The following ZFAND5 variants were observed in gnomAD, a reference collection of about 807,000 sequenced individuals.
ZFAND5 encodes AN1-type zinc finger protein 5.
Under a neutral mutation model 23.6 loss-of-function variants are expected in ZFAND5, and 4 were observed. That is an observed-to-expected ratio of 0.17 (90% CI 0.08 to 0.39). ZFAND5 has a LOEUF of 0.39. Among genes scored for constraint, ZFAND5 ranks in the 10% least tolerant of loss-of-function variants. ZFAND5 has a pLI of 1.00. For synonymous variants in ZFAND5, 68 were observed against 80.6 expected (o/e 0.84, Z 0.84); for missense variants, 161 against 253.7 (o/e 0.63, Z 2.48).
chr9:72,361,224 G>A (rs566551735), intron 2 of ZFAND5, among the ~76,000 whole-genome samples: 1 of 152,282 alleles, frequency 6.6e-6, no homozygotes, highest in African/African-American at 2.4e-5. Flanking sequence ...TAAACTGGAT[G>A]AATAAAGTTT....
intron 2 of ZFAND5, among the ~76,000 whole-genome samples, chr9:72,362,199 G>A (rs932386853): frequency 5.3e-5 from 8 of 152,126 alleles, no homozygotes; most frequent in Admixed American, 5.2e-4. Context: ...AATATTAACT[G>A]GAATTTAGCT....
rs1375878599 is a variant in ZFAND5 at position 72,352,353 on chromosome 9, CTT to C, written c.*3598_*3599del. 6.6e-6 allele frequency: 1 copy of C among 152,128 alleles called. No individual in the cohort carries two copies. The highest frequency in any genetic ancestry group is 1.5e-5 in the Non-Finnish European group (1 of 68,018). The allele number at this position is 152,128 out of a possible 1,614,324, so 9.4% of individuals were successfully genotyped here. On this transcript the variant is annotated 3_prime_UTR_variant, in exon 7 of 7. Coordinates refer to ENST00000376962, the MANE Select transcript of ZFAND5 (RefSeq NM_001102420.3). ...AAAACAGACAAGAGTCAAATCAAGT[CTT>C]TGTACATATTCAAATATTTACATGT...
chr9:72,361,631 G>A (rs1320836749), intron 2 of ZFAND5, among the ~76,000 whole-genome samples: 1 of 152,090 alleles, frequency 6.6e-6, no homozygotes, highest in Non-Finnish European at 1.5e-5. Context: ...CTTTAGTAAT[G>A]GTTAATATTC....
chr9:72,363,963 T>A (rs1376938909), intron 1 of ZFAND5: 2 of 152,052 alleles, frequency 1.3e-5, no homozygotes, highest in South Asian at 2.0e-4. Context: ...GAGCAAAAAA[T>A]TTCACATTCA....
In ZFAND5 at chr9:72,351,965, T is replaced by G. The variant is rs892586295; in HGVS notation, c.*3988A>C. On this transcript the variant is annotated 3_prime_UTR_variant, in exon 7 of 7. Coordinates refer to ENST00000376962, the MANE Select transcript of ZFAND5 (RefSeq NM_001102420.3). ...CTCCAAAATTATAAGTTAATACTTA[T>G]GGACAAAAACCACTATTGAGAACTT... 3 of 152,182 alleles carry G rather than the reference T, an allele frequency of 2.0e-5. No individual in the cohort carries two copies. Among genetic ancestry groups the G allele is most frequent in the Non-Finnish European group, 4.4e-5 (3 of 68,036 alleles). The allele number at this position is 152,182 out of a possible 1,614,324, so 9.4% of individuals were successfully genotyped here.
rs541417766 is a variant in ZFAND5 at position 72,353,411 on chromosome 9, C to T, written c.*2542G>A. The T allele has an allele frequency of 6.6e-6, 1 of 152,342 alleles. No homozygotes were observed. Among genetic ancestry groups the T allele is most frequent in the Non-Finnish European group, 1.5e-5 (1 of 68,160 alleles). 9.4% of individuals were successfully genotyped at this position (152,342 alleles called of 1,614,324 possible). On this transcript the variant is annotated 3_prime_UTR_variant, in exon 7 of 7. Coordinates refer to ENST00000376962, the MANE Select transcript of ZFAND5 (RefSeq NM_001102420.3). ...AACTGATTGGCCGGGTGCGGTGCCTCACGCCTGTAATCCCAGCACTTTGGG... is the reference window on the plus strand; with the variant it reads ...AACTGATTGGCCGGGTGCGGTGCCTTACGCCTGTAATCCCAGCACTTTGGG...
chr9:72,358,149 C>T (rs909251647), intron 5 of ZFAND5, among the ~76,000 whole-genome samples: 2 of 152,052 alleles, frequency 1.3e-5, no homozygotes, highest in South Asian at 4.1e-4. Context: ...TAAAACTCTG[C>T]CCAAATTTAT....
chr9:72,360,910 T>TA, intron 2 of ZFAND5, 123 bp from the exon 3 acceptor site: 4 of 848,390 alleles, frequency 4.7e-6, no homozygotes, highest in Non-Finnish European at 6.7e-6. Context: ...CGTTAATCAT[T>TA]AAAAAGGGTG....
In ZFAND5 at chr9:72,364,974, C is replaced by T. The variant is rs374248649; in HGVS notation, c.-425G>A. 1.3e-5 allele frequency: 2 copies of T among 152,642 alleles called. No homozygotes were observed. The highest frequency in any genetic ancestry group is 2.9e-5 in the Non-Finnish European group (2 of 68,416). 9.5% of individuals were successfully genotyped at this position (152,642 alleles called of 1,614,324 possible). ...AGGAGGTGGAGGGAGGACCGGCGGCCGCAGCGGCTAACGCTGCTCGAGGCG... is the reference window on the plus strand; with the variant it reads ...AGGAGGTGGAGGGAGGACCGGCGGCTGCAGCGGCTAACGCTGCTCGAGGCG... On this transcript the variant is annotated 5_prime_UTR_variant, in exon 1 of 7. Coordinates refer to ENST00000376962, the MANE Select transcript of ZFAND5 (RefSeq NM_001102420.3).
chr9:72,364,464 T>C (rs1214862513), intron 1 of ZFAND5: 24 of 1,278,132 alleles, frequency 1.9e-5, no homozygotes, highest in South Asian at 1.6e-4. Flanking sequence ...TTCCCGACCG[T>C]GCTGTGGAGC....
intron 6 of ZFAND5, among the ~76,000 whole-genome samples, chr9:72,356,708 T>TA (rs1419987479): frequency 6.6e-6 from 1 of 152,022 alleles, no homozygotes; most frequent in Non-Finnish European, 1.5e-5. Flanking sequence ...TCTAATAAAA[T>TA]AAGAGGGCCT....
chr9:72,358,333 T>C (rs1842002404), intron 5 of ZFAND5, among the ~76,000 whole-genome samples: 1 of 152,002 alleles, frequency 6.6e-6, no homozygotes, highest in Non-Finnish European at 1.5e-5. Context: ...TGTCAGCCAT[T>C]TCTTTGGCCA....
rs1419467281 is a variant in ZFAND5 at position 72,354,158 on chromosome 9, T to G, written c.*1795A>C. 6.6e-6 allele frequency: 1 copy of G among 152,192 alleles called. No homozygotes were observed. The highest frequency in any genetic ancestry group is 1.5e-5 in the Non-Finnish European group (1 of 68,024). 9.4% of individuals were successfully genotyped at this position (152,192 alleles called of 1,614,324 possible). ...GTCATACCTACTTTCTTCTTCAGAATTGTCATAAAACATCATCTTTTACAA... is the reference window on the plus strand; with the variant it reads ...GTCATACCTACTTTCTTCTTCAGAAGTGTCATAAAACATCATCTTTTACAA... On this transcript the variant is annotated 3_prime_UTR_variant, in exon 7 of 7. Coordinates refer to ENST00000376962, the MANE Select transcript of ZFAND5 (RefSeq NM_001102420.3).
At chr9:72,356,238 C>T (rs547086172) in intron 6 of ZFAND5, 137 bp from the exon 7 acceptor site, 1 of 1,078,254 alleles carries the variant, frequency 9.3e-7, no homozygotes, top group African/African-American at 1.6e-5. Context: ...TCTTCCACTT[C>T]CTGGTGATAA....
intron 6 of ZFAND5, 104 bp downstream of exon 6, chr9:72,356,827 T>A: frequency 1.0e-6 from 1 of 977,768 alleles, no homozygotes; most frequent in Non-Finnish European, 1.3e-6. Context: ...GTCAGGCTTT[T>A]TTTTTTTTTT....
chr9:72,364,264 C>G, intron 1 of ZFAND5: 1 of 372,002 alleles, frequency 2.7e-6, no homozygotes, highest in Non-Finnish European at 4.4e-6. Context: ...CCACGCGGAT[C>G]CCCGACCCCC....
intron 4 of ZFAND5, 84 bp from the exon 5 acceptor site, chr9:72,359,605 T>C (rs1842040391): frequency 1.6e-6 from 2 of 1,250,284 alleles, no homozygotes; most frequent in Non-Finnish European, 1.1e-6. Flanking sequence ...CAACTTTAAA[T>C]TATAGAATAT....
In ZFAND5 at chr9:72,353,846, G is replaced by A. The variant is rs1271049977; in HGVS notation, c.*2107C>T. 1 of 152,084 alleles carries A rather than the reference G, an allele frequency of 6.6e-6. No individual in the cohort carries two copies. Among genetic ancestry groups the A allele is most frequent in the East Asian group, 1.9e-4 (1 of 5,198 alleles). The allele number at this position is 152,084 out of a possible 1,614,324, so 9.4% of individuals were successfully genotyped here. A position where few individuals can be genotyped will look rare whatever the true frequency, so the allele number is the denominator to read the frequency against. ...TTCAGAGAAATACTACCCTATGTCA[G>A]TATAGGAACTTTGACATACATATGT... On this transcript the variant is annotated 3_prime_UTR_variant, in exon 7 of 7. Coordinates refer to ENST00000376962, the MANE Select transcript of ZFAND5 (RefSeq NM_001102420.3).
Position 72,352,210 on chromosome 9 carries a change from G to A in ZFAND5, c.*3743C>T, listed in dbSNP as rs1841791726. 6.6e-6 allele frequency: 1 copy of A among 152,246 alleles called. No homozygotes were observed. The highest frequency in any genetic ancestry group is 2.4e-5 in the African/African-American group (1 of 41,450). 9.4% of individuals were successfully genotyped at this position (152,246 alleles called of 1,614,324 possible). ...TGCCTGTAGTCCCAACTACTCCGGA[G>A]GCTGAGCCAGGAGAATGGCGTGAAC... On this transcript the variant is annotated 3_prime_UTR_variant, in exon 7 of 7. Coordinates refer to ENST00000376962, the MANE Select transcript of ZFAND5 (RefSeq NM_001102420.3).
Sources: allele counts gnomAD v4.1 joint callset (sites outside exome capture counted in the v4.1 genomes callset), GRCh38; gene constraint gnomAD v4.1.1; transcripts MANE v1.5; gene names NCBI Gene and HGNC (gene_info 2026-07-23, HGNC 2026-07-21).